PSMC3: variants seen among roughly 807,000 people sequenced by gnomAD.
The protein encoded by PSMC3 is 26S proteasome regulatory subunit 6A.
In PSMC3, 11 loss-of-function variants were observed where a neutral mutation model predicts 52.0. That is an observed-to-expected ratio of 0.21 (90% confidence interval 0.13 to 0.35). PSMC3 has a LOEUF of 0.35. PSMC3 is among the 10% of genes least tolerant of loss of function. The pLI is 1.00. For synonymous variants in PSMC3, 201 were observed against 218.8 expected (o/e 0.92, Z 0.72); for missense variants, 238 against 567.1 (o/e 0.42, Z 5.89).
chr11:47,423,635 C>T (rs947003137), intron 6 of PSMC3, among the ~76,000 whole-genome samples: 64 of 152,148 alleles, frequency 4.2e-4, no homozygotes, highest in African/African-American at 1.4e-3. Context: ...AAAAATACTC[C>T]GCTAAAATTA....
Position 47,422,789 on chromosome 11 carries a change from G to A in PSMC3, c.735+41C>T. On this transcript the variant is annotated intron_variant, in intron 7 of 11. Coordinates refer to ENST00000298852, the MANE Select transcript of PSMC3 (RefSeq NM_002804.5). This position sits in a 1 kb window ranked among gnomAD's most constrained non-coding sequence, Gnocchi z 4.3. Reference sequence around the variant, plus strand: ...TTTGAGCCCATCTGGTAGAGTTTCTGCTCCTGCCCACTTCCCCCGCATCCC... The same window carrying A: ...TTTGAGCCCATCTGGTAGAGTTTCTACTCCTGCCCACTTCCCCCGCATCCC... The A allele has an allele frequency of 4.4e-6, 7 of 1,605,008 alleles. No individual in the cohort carries two copies. Among genetic ancestry groups the A allele is most frequent in the Non-Finnish European group, 6.0e-6 (7 of 1,173,392 alleles).
At chr11:47,419,621 AG>A (rs2096037633) in intron 10 of PSMC3, among the ~76,000 whole-genome samples, 1 of 152,154 alleles carries the variant, frequency 6.6e-6, no homozygotes, top group South Asian at 2.1e-4. Context: ...GCACTTTGGG[AG>A]GCCAAGGTGG....
Position 47,421,146 on chromosome 11 carries a change from G to A in PSMC3, c.885-419C>T, listed in dbSNP as rs549669085. ...CAGCCACCTGTAATCTCAGCTACTC[G>A]GGACACTGAGGCAGAATTACTTGAA... On this transcript the variant is annotated intron_variant, in intron 8 of 11. Transcript: ENST00000298852. 3.3e-5 allele frequency among the ~76,000 whole-genome samples: 5 copies of A among 149,648 alleles called. No homozygotes were observed. In the East Asian group the frequency reaches 1.0e-3, roughly 30 times the overall value.
intron 8 of PSMC3, 37 bp from the exon 9 acceptor site, chr11:47,420,764 C>G: frequency 6.5e-7 from 1 of 1,528,870 alleles, no homozygotes; most frequent in Non-Finnish European, 8.9e-7. Context: ...GGTGAGGGCA[C>G]AGCTTAGGCA....
intron 2 of PSMC3, chr11:47,425,616 A>T: frequency 1.8e-6 from 1 of 549,544 alleles, no homozygotes. Context: ...TCTTGAGAGG[A>T]TTATTCCCAG....
At chr11:47,419,815 C>T (rs1398329061) in intron 10 of PSMC3, among the ~76,000 whole-genome samples, 1 of 151,288 alleles carries the variant, frequency 6.6e-6, no homozygotes, top group Non-Finnish European at 1.5e-5. Flanking sequence ...GCCGAGATCG[C>T]GCCACTGTAC....
intron 8 of PSMC3, 116 bp from the exon 9 acceptor site, chr11:47,420,843 A>G (rs980603819): frequency 1.7e-5 from 15 of 883,216 alleles, no homozygotes; most frequent in South Asian, 1.1e-4. Context: ...TGGCTCACTC[A>G]ACTTGGGGCC....
rs1180377281 is a variant in PSMC3, at chr11:47,424,808, C to T, written c.286-97G>A. The T allele has an allele frequency of 2.7e-6, 3 of 1,114,882 alleles. No homozygotes were observed. Among genetic ancestry groups the T allele is most frequent in the African/African-American group, 3.1e-5 (2 of 64,786 alleles). The allele number at this position is 1,114,882 out of a possible 1,614,324, so 69.1% of individuals were successfully genotyped here. A position where few individuals can be genotyped will look rare whatever the true frequency, so the allele number is the denominator to read the frequency against. ...CTGCAGGGCTGGCCATCCTTACCTC[C>T]CTCCTCCAATAGCCCTGAGCCCACC... On this transcript the variant is annotated intron_variant, in intron 3 of 11. Coordinates refer to ENST00000298852, the MANE Select transcript of PSMC3 (RefSeq NM_002804.5). This position sits in a 1 kb window ranked among gnomAD's most constrained non-coding sequence, Gnocchi z 4.8.
In PSMC3 at chr11:47,422,808, G is replaced by A. The variant is rs200693116; in HGVS notation, c.735+22C>T. 2.4e-4 allele frequency: 380 copies of A among 1,602,030 alleles called. 3 individuals carry two copies. The African/African-American group carries it at 2.8e-3, about 12-fold the overall frequency. ...GTTTCTGCTCCTGCCCACTTCCCCCGCATCCCTCCCAAAGTACTCACCTTA... is the reference window on the plus strand; with the variant it reads ...GTTTCTGCTCCTGCCCACTTCCCCCACATCCCTCCCAAAGTACTCACCTTA... On this transcript the variant is annotated intron_variant, in intron 7 of 11. Transcript: ENST00000298852. The surrounding 1 kb of genome is among the most constrained non-coding windows in gnomAD (Gnocchi z 4.3).
chr11:47,425,861 G>A lies in PSMC3; in HGVS notation c.159+6C>T, dbSNP rs374507172. ...TCCATCGCCCGCACAGGAGCTGTGCGCCCACCTTGATCTCACTGTCCAGCA... is the reference window on the plus strand; with the variant it reads ...TCCATCGCCCGCACAGGAGCTGTGCACCCACCTTGATCTCACTGTCCAGCA... On this transcript the variant is annotated splice_donor_region_variant and intron_variant, in intron 2 of 11. Coordinates refer to ENST00000298852, the MANE Select transcript of PSMC3 (RefSeq NM_002804.5). 8.1e-6 allele frequency: 13 copies of A among 1,612,070 alleles called. No individual in the cohort carries two copies. The highest frequency in any genetic ancestry group is 5.0e-5 in the Admixed American group (3 of 59,862).
intron 2 of PSMC3, 79 bp from the exon 3 acceptor site, chr11:47,425,325 G>T: frequency 6.4e-7 from 1 of 1,559,338 alleles, no homozygotes. Flanking sequence ...GTGAGGTCCA[G>T]GGTGCCCAGG....
In PSMC3 at chr11:47,418,822, T is replaced by C; in HGVS notation, c.*13A>G. 1 of 1,605,656 alleles carries C rather than the reference T, an allele frequency of 6.2e-7. No homozygotes were observed. Among genetic ancestry groups the C allele is most frequent in the African/African-American group, 1.3e-5 (1 of 74,860 alleles). ...CGCACTTCAGCCGTGAGACTGGGGC[T>C]GGCCTGTGTGCCCTAGGCGTAGTAT... On this transcript the variant is annotated 3_prime_UTR_variant, in exon 12 of 12. Transcript: ENST00000298852.
At position 47,422,337 on chromosome 11, in the gene PSMC3, C is replaced by T. The variant is rs936122671; in HGVS notation, c.884+237G>A. 1.3e-4 allele frequency among the ~76,000 whole-genome samples: 20 copies of T among 152,184 alleles called. No homozygotes were observed. The highest frequency in any genetic ancestry group is 4.1e-4 in the African/African-American group (17 of 41,452). ...GATTACAGGCGTGAGCCACCGTGCC[C>T]GGCCCAGATTCCTGTTTTGAAAGGA... On this transcript the variant is annotated intron_variant, in intron 8 of 11. Transcript: ENST00000298852. This position sits in a 1 kb window ranked among gnomAD's most constrained non-coding sequence, Gnocchi z 4.3.
intron 1 of PSMC3, 22 bp downstream of exon 1, chr11:47,426,183 C>G: frequency 6.4e-7 from 1 of 1,553,004 alleles, no homozygotes. Flanking sequence ...GTTCCCGGAC[C>G]GCCAGCTCGC....
chr11:47,420,742 G>A lies in PSMC3; in HGVS notation c.885-15C>T, dbSNP rs1243238335. 2.6e-6 allele frequency: 4 copies of A among 1,553,098 alleles called. No individual in the cohort carries two copies. Among genetic ancestry groups the A allele is most frequent in the Non-Finnish European group, 3.5e-6 (4 of 1,147,650 alleles). ...CACTGTCAAAGCTAGGGCACAGGAA[G>A]CCCGAGATGCTGGTGAGGGCACAGC... On this transcript the variant is annotated splice_polypyrimidine_tract_variant and intron_variant, in intron 8 of 11. Coordinates refer to ENST00000298852, the MANE Select transcript of PSMC3 (RefSeq NM_002804.5).
rs1456731907 is a variant in PSMC3 at position 47,422,453 on chromosome 11, C to T, written c.884+121G>A. The T allele has an allele frequency of 1.1e-5, 14 of 1,229,664 alleles. No individual in the cohort carries two copies. In the East Asian group the frequency reaches 3.3e-4, roughly 29 times the overall value. The allele number at this position is 1,229,664 out of a possible 1,614,324, so 76.2% of individuals were successfully genotyped here. ...ATTGGAATCTCAAGAGTTGAGGAGCCACCATCCAGGGGCAGGAGGGGATAC... is the reference window on the plus strand; with the variant it reads ...ATTGGAATCTCAAGAGTTGAGGAGCTACCATCCAGGGGCAGGAGGGGATAC... On this transcript the variant is annotated intron_variant, in intron 8 of 11. Transcript: ENST00000298852. This position sits in a 1 kb window ranked among gnomAD's most constrained non-coding sequence, Gnocchi z 4.3.
rs764920869 is a variant in PSMC3, at chr11:47,418,949, C to T, written c.1210-4G>A. 2 of 1,613,988 alleles carry T rather than the reference C, an allele frequency of 1.2e-6. No homozygotes were observed. Among genetic ancestry groups the T allele is most frequent in the South Asian group, 1.1e-5 (1 of 91,058 alleles). On this transcript the variant is annotated splice_region_variant and splice_polypyrimidine_tract_variant and intron_variant, in intron 11 of 11. Coordinates refer to ENST00000298852, the MANE Select transcript of PSMC3 (RefSeq NM_002804.5). Reference sequence around the variant, plus strand: ...CCCTGCGCAGTGCGATCATGCCCTACAGCCGGGACAAACAGAGTCTAGGTC... The same window carrying T: ...CCCTGCGCAGTGCGATCATGCCCTATAGCCGGGACAAACAGAGTCTAGGTC...
intron 10 of PSMC3, 104 bp downstream of exon 10, chr11:47,420,160 G>A: frequency 4.4e-6 from 6 of 1,362,744 alleles, no homozygotes; most frequent in Non-Finnish European, 6.2e-6. Flanking sequence ...GGGCCTGGGA[G>A]GTGGTGGTCG....
In PSMC3 at chr11:47,424,050, T is replaced by C. The variant is rs1276593437; in HGVS notation, c.587A>G (p.Gln196Arg). 2 of 1,614,198 alleles carry C rather than the reference T, an allele frequency of 1.2e-6. No homozygotes were observed. Among genetic ancestry groups the C allele is most frequent in the Non-Finnish European group, 1.7e-6 (2 of 1,180,042 alleles). Residue 196 changes from glutamine (Q) to arginine (R), a missense_variant, in exon 6 of 12, where the codon CAG becomes CGG. Physicochemically the swap from Gln to Arg is conservative, Grantham distance 43. Transcript: ENST00000298852. This position sits in a 1 kb window ranked among gnomAD's most constrained non-coding sequence, Gnocchi z 4.8. ...CAGCTGCCGTGCCTCCCTCACCTCC[T>C]GGATCTGCTTGTCCAAACCCCCAAT... ...SDIGGLDKQI[Q>R]ELVEAIVLPM...
Sources: gnomAD v4.1 joint callset for allele counts (sites outside exome capture counted in the v4.1 genomes callset) on GRCh38, gnomAD v4.1.1 for gene constraint, Gnocchi (gnomAD v3.1) non-coding constraint, MANE v1.5 for transcripts, NCBI Gene and HGNC (gene_info 2026-07-23, HGNC 2026-07-21) for gene names.